The following SH2D4A variants were observed in gnomAD, a reference collection of about 807,000 sequenced individuals.
SH2D4A encodes the protein SH2 domain containing 4A.
A neutral mutation model predicts 64.7 loss-of-function variants in SH2D4A; 70 were observed. The ratio of observed to expected loss-of-function variants is 1.08; its 90% CI spans 0.89 to 1.32. SH2D4A has a LOEUF of 1.32. Among genes scored for constraint, SH2D4A ranks in the 40% most tolerant of loss-of-function variants. SH2D4A has a pLI of 0.00. For missense variants in SH2D4A, 706 were observed against 540.1 expected, an observed-to-expected ratio of 1.31 and a Z score of -3.04; for synonymous variants, 268 against 200.7, an observed-to-expected ratio of 1.34 and a Z score of -2.83.
intron 4 of SH2D4A, among the ~76,000 whole-genome samples, chr8:19,335,097 C>T (rs897817485): frequency 6.6e-6 from 1 of 151,980 alleles, no homozygotes; most frequent in African/African-American, 2.4e-5. Context: ...TCCTGGCTAA[C>T]ACGGTGAAAC....
intron 6 of SH2D4A, among the ~76,000 whole-genome samples, chr8:19,362,672 G>A (rs565175795): frequency 2.5e-4 from 38 of 151,920 alleles, no homozygotes; most frequent in African/African-American, 6.3e-4. Context: ...CCAGGGAGGC[G>A]GAGGTTGCAG....
At chr8:19,339,727 C>G (rs1197907758) in intron 4 of SH2D4A, among the ~76,000 whole-genome samples, 1 of 152,086 alleles carries the variant, frequency 6.6e-6, no homozygotes, top group African/African-American at 2.4e-5. Context: ...TCTTAAACTC[C>G]TGGCCTCAGG....
At chr8:19,353,150 A>G (rs1379721431) in intron 4 of SH2D4A, among the ~76,000 whole-genome samples, 7 of 152,142 alleles carry the variant, frequency 4.6e-5, no homozygotes, top group African/African-American at 1.7e-4. Flanking sequence ...TACAGGTAGG[A>G]GGGTCATTTT....
rs1185264322 is a variant in SH2D4A, at chr8:19,313,740, C to T, written c.-288C>T. 16 of 1,509,178 alleles carry T rather than the reference C, an allele frequency of 1.1e-5. No homozygotes were observed. Among genetic ancestry groups the T allele is most frequent in the East Asian group, 2.7e-5 (1 of 36,676 alleles). The allele number at this position is 1,509,178 out of a possible 1,614,324, so 93.5% of individuals were successfully genotyped here. On this transcript the variant is annotated 5_prime_UTR_variant, in exon 1 of 10. Coordinates refer to ENST00000265807, the MANE Select transcript of SH2D4A (RefSeq NM_022071.4). ...CCGCTTGGGACGCCTCTGCCTTTCC[C>T]TCCCTCCCTTCCCCGACGGCTTCTG...
chr8:19,319,855 T>A, intron 2 of SH2D4A, 127 bp downstream of exon 2: 1 of 938,054 alleles, frequency 1.1e-6, no homozygotes, highest in Non-Finnish European at 1.5e-6. Flanking sequence ...TCCTAAATGT[T>A]ATTGAGAATC....
At chr8:19,365,346 T>C (rs2052974671) in intron 7 of SH2D4A, among the ~76,000 whole-genome samples, 1 of 152,104 alleles carries the variant, frequency 6.6e-6, no homozygotes, top group South Asian at 2.1e-4. Context: ...AAGACCATGA[T>C]CTCCAAAGTG....
At chr8:19,366,151 A>G (rs2052990164) in intron 7 of SH2D4A, among the ~76,000 whole-genome samples, 1 of 152,200 alleles carries the variant, frequency 6.6e-6, no homozygotes, top group Non-Finnish European at 1.5e-5. Flanking sequence ...GTTGTGTTTC[A>G]TAAATTGTAT....
chr8:19,350,989 G>A (rs944351105), intron 4 of SH2D4A, among the ~76,000 whole-genome samples: 1 of 152,032 alleles, frequency 6.6e-6, no homozygotes, highest in Non-Finnish European at 1.5e-5. Context: ...CATATTTTTA[G>A]CAATAAAATT....
At position 19,313,792 on chromosome 8, in the gene SH2D4A, C is replaced by T. The variant is rs901026871; in HGVS notation, c.-236C>T. On this transcript the variant is annotated 5_prime_UTR_variant, in exon 1 of 10. Coordinates refer to ENST00000265807, the MANE Select transcript of SH2D4A (RefSeq NM_022071.4). ...CGGCCAAGTGGATGTGGCGGGTGAT[C>T]GAGCCACCCTGCCCAGGGGCGCCCA... 2.6e-6 allele frequency: 4 copies of T among 1,511,638 alleles called. No homozygotes were observed. Among genetic ancestry groups the T allele is most frequent in the South Asian group, 2.4e-5 (2 of 82,458 alleles). The allele number at this position is 1,511,638 out of a possible 1,614,324, so 93.6% of individuals were successfully genotyped here.
intron 7 of SH2D4A, 45 bp from the exon 8 acceptor site, chr8:19,373,485 T>C (rs950520293): frequency 8.8e-6 from 13 of 1,485,324 alleles, no homozygotes; most frequent in Non-Finnish European, 1.2e-5. Context: ...GGGCATTATT[T>C]TCAAATTAGT....
chr8:19,317,071 A>G (rs1371059870), intron 1 of SH2D4A, among the ~76,000 whole-genome samples: 1 of 152,212 alleles, frequency 6.6e-6, no homozygotes, highest in Non-Finnish European at 1.5e-5. Context: ...TGCATTCAAA[A>G]TGGGGAACAC....
At chr8:19,378,499 G>A (rs549642181) in intron 8 of SH2D4A, among the ~76,000 whole-genome samples, 1 of 152,018 alleles carries the variant, frequency 6.6e-6, no homozygotes, top group Non-Finnish European at 1.5e-5. Context: ...GCAGTGGCAC[G>A]ATCTTGGCAT....
intron 4 of SH2D4A, among the ~76,000 whole-genome samples, chr8:19,345,710 A>C (rs2052602324): frequency 6.6e-6 from 1 of 152,244 alleles, no homozygotes; most frequent in Non-Finnish European, 1.5e-5. Context: ...CCTGCCATGC[A>C]ACAGTTTCTG....
In SH2D4A at chr8:19,329,834, A is replaced by G. The variant is rs574664775; in HGVS notation, c.182-3121A>G. 5.3e-5 allele frequency among the ~76,000 whole-genome samples: 8 copies of G among 152,312 alleles called. No individual in the cohort carries two copies. In the South Asian group the frequency reaches 1.2e-3, roughly 24 times the overall value. On this transcript the variant is annotated intron_variant, in intron 2 of 9. Coordinates refer to ENST00000265807, the MANE Select transcript of SH2D4A (RefSeq NM_022071.4). ...AAGTAGCTCCTCCTTGCCTTCTGCC[A>G]TGATTGTGAAGCTTCCCTAGTCATG...
At chr8:19,365,028 T>C (rs2052968774) in intron 7 of SH2D4A, among the ~76,000 whole-genome samples, 1 of 152,206 alleles carries the variant, frequency 6.6e-6, no homozygotes, top group Non-Finnish European at 1.5e-5. Context: ...TAGAAAGAAG[T>C]ATTAAAATCA....
At chr8:19,378,096 T>C (rs1450548897) in intron 8 of SH2D4A, among the ~76,000 whole-genome samples, 1 of 152,224 alleles carries the variant, frequency 6.6e-6, no homozygotes, top group African/African-American at 2.4e-5. Flanking sequence ...CTGTAATTAC[T>C]TATACAGATC....
intron 4 of SH2D4A, among the ~76,000 whole-genome samples, chr8:19,355,921 A>G (rs1469055458): frequency 1.3e-5 from 2 of 152,186 alleles, no homozygotes; most frequent in African/African-American, 4.8e-5. Flanking sequence ...ATAGTCCCCA[A>G]ATGCCATGGC....
chr8:19,369,978 T>C (rs1269366652), intron 7 of SH2D4A, among the ~76,000 whole-genome samples: 1 of 152,108 alleles, frequency 6.6e-6, no homozygotes, highest in African/African-American at 2.4e-5. Context: ...GAACTGCTTT[T>C]GCTGTATCCC....
At chr8:19,343,393 A>G (rs941591630) in intron 4 of SH2D4A, among the ~76,000 whole-genome samples, 7 of 152,252 alleles carry the variant, frequency 4.6e-5, no homozygotes, top group Middle Eastern at 3.4e-3. Context: ...TGGTCACACC[A>G]TTGCACTCTA....
Sources: allele counts gnomAD v4.1 joint callset (sites outside exome capture counted in the v4.1 genomes callset), GRCh38; gene constraint gnomAD v4.1.1; transcripts MANE v1.5; gene names NCBI Gene and HGNC (gene_info 2026-07-23, HGNC 2026-07-21).